Variants in CCDC88C observed in about 807,000 individuals in gnomAD.
CCDC88C encodes protein Daple.
A neutral mutation model predicts 198.8 loss-of-function variants in CCDC88C; 131 were observed. The ratio of observed to expected loss-of-function variants is 0.66; its 90% CI spans 0.57 to 0.76. The LOEUF (loss-of-function observed/expected upper bound fraction) is 0.76, where lower values mean the gene tolerates loss of function less well. CCDC88C is among the 30% of genes least tolerant of loss of function. The pLI, the probability that CCDC88C is intolerant of heterozygous loss-of-function variation, is 0.00. For synonymous variants in CCDC88C, 1,166 were observed against 1,114.7 expected (o/e 1.05, Z -0.92); for missense variants, 2,553 against 2,631.6 (o/e 0.97, Z 0.65).
At chr14:91,409,171 A>G (rs1886671092) in intron 2 of CCDC88C, among the ~76,000 whole-genome samples, 1 of 133,162 alleles carries the variant, frequency 7.5e-6, no homozygotes, top group Non-Finnish European at 1.6e-5. Flanking sequence ...AGAAAGACAG[A>G]AGGAGAAAAA....
chr14:91,365,966 CAAA>C lies in CCDC88C; in HGVS notation c.271-6258_271-6256del, dbSNP rs201522988. Among the ~76,000 whole-genome samples the C allele has an allele frequency of 8.6e-3, 1,306 of 152,178 alleles. 19 individuals carry two copies. Among genetic ancestry groups the C allele is most frequent in the African/African-American group, 0.03 (1,251 of 41,508 alleles). On this transcript the variant is annotated intron_variant, in intron 3 of 29. Coordinates refer to ENST00000389857, the MANE Select transcript of CCDC88C (RefSeq NM_001080414.4). The stretch of plus-strand genomic sequence containing the variant: ...GGAAATGGATGTTGAAAAAAGAAAA[CAAA>C]ACCTCAAAGGAAATATATTACACTA...
chr14:91,355,166 G>A (rs755505454), intron 4 of CCDC88C, among the ~76,000 whole-genome samples: 17 of 152,202 alleles, frequency 1.1e-4, no homozygotes, highest in East Asian at 1.9e-4. Context: ...GCAGCCAGGC[G>A]GAAGCAGGGG....
At position 91,284,853 on chromosome 14, in the gene CCDC88C, G is replaced by A. The variant is rs1890338062; in HGVS notation, c.4442-1336C>T. 6.6e-6 allele frequency among the ~76,000 whole-genome samples: 1 copy of A among 152,108 alleles called. No individual in the cohort carries two copies. The highest frequency in any genetic ancestry group is 6.5e-5 in the Admixed American group (1 of 15,268). ...CATGCAGGTAATCATATTTTTGTAGGTAATCATAGACGGTATCAGGATATG... is the reference window on the plus strand; with the variant it reads ...CATGCAGGTAATCATATTTTTGTAGATAATCATAGACGGTATCAGGATATG... On this transcript the variant is annotated intron_variant, in intron 25 of 29. Transcript: ENST00000389857. This position sits in a 1 kb window ranked among gnomAD's most constrained non-coding sequence, Gnocchi z 4.1.
At chr14:91,402,636 G>A (rs1363784558) in intron 3 of CCDC88C, among the ~76,000 whole-genome samples, 2 of 152,192 alleles carry the variant, frequency 1.3e-5, no homozygotes, top group Non-Finnish European at 2.9e-5. Flanking sequence ...ACCCCAGGAA[G>A]GGAGAGGACA....
chr14:91,316,759 T>C (rs1208523167), intron 13 of CCDC88C, among the ~76,000 whole-genome samples: 1 of 152,190 alleles, frequency 6.6e-6, no homozygotes, highest in Non-Finnish European at 1.5e-5. Context: ...AAGGTGTGAT[T>C]TCCTGGGTCC....
At chr14:91,285,305 G>C in intron 25 of CCDC88C, 1 of 357,590 alleles carries the variant, frequency 2.8e-6, no homozygotes, top group Non-Finnish European at 5.7e-6. Flanking sequence ...AGGAAGTGCA[G>C]CAACCACCCG....
chr14:91,390,298 T>C (rs1885426759), intron 3 of CCDC88C, among the ~76,000 whole-genome samples: 1 of 152,108 alleles, frequency 6.6e-6, no homozygotes, highest in Admixed American at 6.6e-5. Flanking sequence ...GTCTGGCACA[T>C]AGCCATATGT....
rs750581901 is a variant in CCDC88C at position 91,359,726 on chromosome 14, G to A, written c.271-15C>T. On this transcript the variant is annotated splice_polypyrimidine_tract_variant and intron_variant, in intron 3 of 29. Coordinates refer to ENST00000389857, the MANE Select transcript of CCDC88C (RefSeq NM_001080414.4). ...TGGAGAACTTCCTGCAGAAACAAAGGGGGAAAAGATACCATTAAGAACCGG... is the reference window on the plus strand; with the variant it reads ...TGGAGAACTTCCTGCAGAAACAAAGAGGGAAAAGATACCATTAAGAACCGG... 3.7e-6 allele frequency: 6 copies of A among 1,603,950 alleles called. No homozygotes were observed. The highest frequency in any genetic ancestry group is 5.1e-6 in the Non-Finnish European group (6 of 1,174,174).
At position 91,326,065 on chromosome 14, in the gene CCDC88C, CA is replaced by C. The variant is rs912193844; in HGVS notation, c.1051-10del. On this transcript the variant is annotated splice_polypyrimidine_tract_variant and intron_variant, in intron 10 of 29. Transcript: ENST00000389857. Reference sequence around the variant, plus strand: ...TTATCTTCTCTCAGCTCCTGGTTAGCAAAAACATACATGAGAACCATCAGAT... The same window carrying C: ...TTATCTTCTCTCAGCTCCTGGTTAGCAAAACATACATGAGAACCATCAGAT... 2.5e-6 allele frequency: 4 copies of C among 1,605,838 alleles called. No homozygotes were observed. The highest frequency in any genetic ancestry group is 2.6e-6 in the Non-Finnish European group (3 of 1,176,386).
At chr14:91,306,015 A>G in intron 18 of CCDC88C, 89 bp from the exon 19 acceptor site, 1 of 1,408,852 alleles carries the variant, frequency 7.1e-7, no homozygotes. Context: ...GAACCCTCAA[A>G]AGTTGATGTT....
At position 91,309,959 on chromosome 14, in the gene CCDC88C, G is replaced by A; in HGVS notation, c.2764C>T (p.Gln922Ter). 1 of 1,602,162 alleles carries A rather than the reference G, an allele frequency of 6.2e-7. No homozygotes were observed. The highest frequency in any genetic ancestry group is 8.5e-7 in the Non-Finnish European group (1 of 1,174,406). Residue 922 changes from glutamine to a stop codon, truncating the protein, a stop_gained, in exon 16 of 30, where the codon CAG (glutamine) becomes TAG (stop). Coordinates refer to ENST00000389857, the MANE Select transcript of CCDC88C (RefSeq NM_001080414.4). LOFTEE classifies it high-confidence loss of function. ...EDLVLEKLKS[Q>*]QLSSELDKLS... is the part of the protein sequence containing the mutation. ...TTGTCCAGCTCACTGCTGAGCTGCT[G>A]GCTCTTCAGCTTCTCGAGCACCAGG...
chr14:91,387,028 A>G (rs1342458169), intron 3 of CCDC88C, among the ~76,000 whole-genome samples: 1 of 152,202 alleles, frequency 6.6e-6, no homozygotes, highest in Non-Finnish European at 1.5e-5. Context: ...GTCTAATCTA[A>G]CCTTGTTGTG....
intron 3 of CCDC88C, among the ~76,000 whole-genome samples, chr14:91,394,138 A>G (rs1885695079): frequency 1.3e-5 from 2 of 152,204 alleles, no homozygotes; most frequent in Non-Finnish European, 2.9e-5. Flanking sequence ...TGCTCAGGGG[A>G]GCCAAGCTGG....
intron 3 of CCDC88C, among the ~76,000 whole-genome samples, chr14:91,361,128 A>AT (rs1343318059): frequency 1.0e-4 from 13 of 129,180 alleles, no homozygotes; most frequent in Non-Finnish European, 1.9e-4. Context: ...AACCCTGTCT[A>AT]TAAAAAAAAA....
intron 3 of CCDC88C, among the ~76,000 whole-genome samples, chr14:91,375,262 T>C (rs989307003): frequency 6.6e-6 from 1 of 151,388 alleles, no homozygotes; most frequent in Non-Finnish European, 1.5e-5. Context: ...CGCGTGTCTG[T>C]GTGTGTGTGT....
intron 29 of CCDC88C, among the ~76,000 whole-genome samples, chr14:91,276,929 GT>G: frequency 6.6e-6 from 1 of 152,318 alleles, no homozygotes. Context: ...CTAGCCGCCT[GT>G]TTTTGTATAT....
At chr14:91,298,703 T>C (rs75019879) in intron 21 of CCDC88C, among the ~76,000 whole-genome samples, 2,554 of 152,326 alleles carry the variant, frequency 0.017, 65 homozygotes, top group African/African-American at 0.054. Flanking sequence ...TTTTAGACGA[T>C]GTGCATTCTC....
chr14:91,415,581 G>A (rs925960052), intron 2 of CCDC88C, among the ~76,000 whole-genome samples: 6 of 152,166 alleles, frequency 3.9e-5, no homozygotes, highest in Admixed American at 2.0e-4. Context: ...TTAGCCGGGC[G>A]TGGTGGCGCA....
At chr14:91,298,464 G>A (rs1366195688) in intron 21 of CCDC88C, among the ~76,000 whole-genome samples, 1 of 151,374 alleles carries the variant, frequency 6.6e-6, no homozygotes, top group East Asian at 1.9e-4. Flanking sequence ...GGCCCAGGGA[G>A]TTAAGGCTGC....
Sources: gnomAD v4.1 joint callset for allele counts (sites outside exome capture counted in the v4.1 genomes callset) on GRCh38, gnomAD v4.1.1 for gene constraint, Gnocchi (gnomAD v3.1) non-coding constraint, MANE v1.5 for transcripts, NCBI Gene and HGNC (gene_info 2026-07-23, HGNC 2026-07-21) for gene names.